FSTL4: variants seen among roughly 807,000 people sequenced by gnomAD.
FSTL4 encodes the protein follistatin like 4, also known as follistatin-related protein 4.
FSTL4 carries 28 observed loss-of-function variants against 78.2 expected under a neutral mutation model. The ratio of observed to expected loss-of-function variants is 0.36; its 90% CI spans 0.27 to 0.49. The LOEUF is 0.49. FSTL4 is among the 20% of genes least tolerant of loss of function. The pLI is 0.98. For missense variants in FSTL4, 922 were observed against 1,084.9 expected (o/e 0.85, Z 2.11); for synonymous variants, 422 against 440.5 (o/e 0.96, Z 0.53).
chr5:133,356,842 G>A (rs1279956261), intron 4 of FSTL4, among the ~76,000 whole-genome samples: 1 of 152,220 alleles, frequency 6.6e-6, no homozygotes, highest in Non-Finnish European at 1.5e-5. Context: ...TGGGGACAAT[G>A]CTGGGCATGC....
At chr5:133,595,913 C>T (rs986362048) in intron 2 of FSTL4, among the ~76,000 whole-genome samples, 1 of 152,224 alleles carries the variant, frequency 6.6e-6, no homozygotes, top group Non-Finnish European at 1.5e-5. Flanking sequence ...TGAGGGTGCA[C>T]TTGAAGCAAA....
At chr5:133,624,075 A>G in the FSTL4 span, among the ~76,000 whole-genome samples, 2 of 152,058 alleles carry the variant, frequency 1.3e-5, no homozygotes, top group Non-Finnish European at 2.9e-5. Flanking sequence ...TAAAATGGTC[A>G]TATGACCCAG....
In FSTL4 at chr5:133,196,954, G is replaced by C. The variant is rs1337005218; in HGVS notation, c.*2141C>G. 6.6e-6 allele frequency: 1 copy of C among 152,278 alleles called. No homozygotes were observed. The highest frequency in any genetic ancestry group is 2.4e-5 in the African/African-American group (1 of 41,468). 9.4% of individuals were successfully genotyped at this position (152,278 alleles called of 1,614,324 possible). ...GGAAATGCACTCTGAGGACAGCAAA[G>C]GGCAGCTATGCTTTTTTAGACACAT... On this transcript the variant is annotated 3_prime_UTR_variant, in exon 16 of 16. Coordinates refer to ENST00000265342, the MANE Select transcript of FSTL4 (RefSeq NM_015082.2).
the FSTL4 span, among the ~76,000 whole-genome samples, chr5:133,656,740 T>G: frequency 6.6e-6 from 1 of 152,160 alleles, no homozygotes; most frequent in African/African-American, 2.4e-5. Context: ...CATTTTACTC[T>G]AGGTGTGATG....
chr5:133,676,343 T>C, the FSTL4 span, among the ~76,000 whole-genome samples: 33,973 of 152,152 alleles, frequency 0.22, 4,313 homozygotes, highest in Admixed American at 0.32. Flanking sequence ...TTCAGATAGA[T>C]GGAGAAAACT....
intron 3 of FSTL4, among the ~76,000 whole-genome samples, chr5:133,473,359 C>T (rs1054094715): frequency 1.3e-5 from 2 of 152,328 alleles, no homozygotes; most frequent in Non-Finnish European, 2.9e-5. Context: ...GCCCTTTGGT[C>T]GTGACTGGAC....
At chr5:133,322,161 C>T (rs181996494) in intron 4 of FSTL4, among the ~76,000 whole-genome samples, 88 of 151,922 alleles carry the variant, frequency 5.8e-4, no homozygotes, top group African/African-American at 2.0e-3. Context: ...TGCCCCACCC[C>T]CTTCCTGTCT....
At chr5:133,820,219 G>A in the FSTL4 span, among the ~76,000 whole-genome samples, 1 of 152,174 alleles carries the variant, frequency 6.6e-6, no homozygotes, top group Admixed American at 6.5e-5. Context: ...GGCCGGCTGG[G>A]AGGGTCCAGC....
intron 4 of FSTL4, among the ~76,000 whole-genome samples, chr5:133,317,458 A>T (rs559986476): frequency 7.4e-4 from 112 of 152,278 alleles, no homozygotes; most frequent in African/African-American, 2.6e-3. Context: ...TCCCTGGGGG[A>T]TGAGTACTTC....
intron 13 of FSTL4, among the ~76,000 whole-genome samples, chr5:133,213,293 G>A (rs952088139): frequency 2.1e-4 from 32 of 151,446 alleles, no homozygotes; most frequent in African/African-American, 6.1e-4. Context: ...ATGAGCCACC[G>A]TGCCTGGCCT....
chr5:133,224,135 A>C lies in FSTL4; in HGVS notation c.1339+55T>G, dbSNP rs895725483. The C allele has an allele frequency of 3.4e-6, 5 of 1,479,432 alleles. No individual in the cohort carries two copies. In the African/African-American group the frequency reaches 6.9e-5, roughly 20 times the overall value. The allele number at this position is 1,479,432 out of a possible 1,614,324, so 91.6% of individuals were successfully genotyped here. A position where few individuals can be genotyped will look rare whatever the true frequency, so the allele number is the denominator to read the frequency against. ...GCAGATCATGGAAAGACGGCCCATC[A>C]TAGAACCAAACACACGTGATCACAG... On this transcript the variant is annotated intron_variant, in intron 11 of 15. Transcript: ENST00000265342.
At chr5:133,620,372 G>A in the FSTL4 span, among the ~76,000 whole-genome samples, 3 of 152,122 alleles carry the variant, frequency 2.0e-5, no homozygotes, top group African/African-American at 7.2e-5. Context: ...GAATATAATT[G>A]TCACTCTATT....
intron 4 of FSTL4, among the ~76,000 whole-genome samples, chr5:133,344,460 C>T (rs927429432): frequency 6.6e-5 from 10 of 152,182 alleles, no homozygotes; most frequent in African/African-American, 2.2e-4. Flanking sequence ...GTGAACCTCA[C>T]GGCAGGGGAG....
chr5:133,791,166 T>G, the FSTL4 span, among the ~76,000 whole-genome samples: 3 of 152,138 alleles, frequency 2.0e-5, no homozygotes, highest in African/African-American at 7.2e-5. Flanking sequence ...CTTCACCAGA[T>G]AGCCACCTGG....
intron 4 of FSTL4, among the ~76,000 whole-genome samples, chr5:133,322,073 G>T (rs1277612368): frequency 6.6e-6 from 1 of 152,160 alleles, no homozygotes; most frequent in African/African-American, 2.4e-5. Flanking sequence ...CTTACAGTGA[G>T]GTTTGGAGAA....
At chr5:133,753,968 G>T in the FSTL4 span, among the ~76,000 whole-genome samples, 4 of 152,262 alleles carry the variant, frequency 2.6e-5, no homozygotes, top group Non-Finnish European at 5.9e-5. Context: ...AAAGGAGATT[G>T]CAATAAGAAA....
chr5:133,450,881 G>C (rs1028550060), intron 3 of FSTL4, among the ~76,000 whole-genome samples: 1 of 152,200 alleles, frequency 6.6e-6, no homozygotes, highest in African/African-American at 2.4e-5. Flanking sequence ...GGTGATGCCA[G>C]CCCTTAGTAC....
At chr5:133,621,149 C>T in the FSTL4 span, among the ~76,000 whole-genome samples, 31 of 152,096 alleles carry the variant, frequency 2.0e-4, no homozygotes, top group Non-Finnish European at 3.8e-4. Context: ...GCCTGTAATC[C>T]CAGCACTTTG....
At position 133,293,268 on chromosome 5, in the gene FSTL4, C is replaced by G. The variant is rs17166497; in HGVS notation, c.727+19386G>C. ...ACAAGAGCCTCCCAGAATCATCTTTCTTTTTGTGCCCTTTTCTGTTCCCAC... is the reference window on the plus strand; with the variant it reads ...ACAAGAGCCTCCCAGAATCATCTTTGTTTTTGTGCCCTTTTCTGTTCCCAC... On this transcript the variant is annotated intron_variant, in intron 6 of 15. Transcript: ENST00000265342. Among the ~76,000 whole-genome samples, 699 of 152,380 alleles carry G rather than the reference C, an allele frequency of 4.6e-3. 4 individuals carry two copies. The highest frequency in any genetic ancestry group is 0.014 in the African/African-American group (590 of 41,596).
Sources: allele counts gnomAD v4.1 joint callset (sites outside exome capture counted in the v4.1 genomes callset), GRCh38; gene constraint gnomAD v4.1.1; transcripts MANE v1.5; gene names NCBI Gene and HGNC (gene_info 2026-07-23, HGNC 2026-07-21).